CRTC3: variants seen among roughly 807,000 people sequenced by gnomAD.
CRTC3 encodes CREB-regulated transcription coactivator 3.
In CRTC3, 26 loss-of-function variants were observed where a neutral mutation model predicts 74.5. The ratio of observed to expected loss-of-function variants is 0.35; its 90% confidence interval spans 0.26 to 0.48. The LOEUF (loss-of-function observed/expected upper bound fraction) is 0.48. Ranked by LOEUF, CRTC3 falls within the 20% of genes least tolerant of loss-of-function variation. The probability of loss-of-function intolerance (pLI) is 0.99; values close to 1 mark genes in which losing one functional copy is unlikely to be tolerated. For synonymous variants in CRTC3, 377 were observed against 325.8 expected (o/e 1.16, Z -1.69); for missense variants, 760 against 787.3 (o/e 0.97, Z 0.41).
intron 2 of CRTC3, among the ~76,000 whole-genome samples, chr15:90,542,746 C>A (rs1334105390): frequency 6.6e-6 from 1 of 152,204 alleles, no homozygotes; most frequent in Non-Finnish European, 1.5e-5. Context: ...CAGTCTGGAA[C>A]AGCTTTTCAG....
In CRTC3 at chr15:90,642,188, A is replaced by C. The variant is rs1465661338; in HGVS notation, c.*48A>C. The C allele has an allele frequency of 3.3e-6, 5 of 1,511,576 alleles. No homozygotes were observed. The African/African-American group carries it at 5.5e-5, about 17-fold the overall frequency. 93.6% of individuals were successfully genotyped at this position (1,511,576 alleles called of 1,614,324 possible). A position where few individuals can be genotyped will look rare whatever the true frequency, so the allele number is the denominator to read the frequency against. ...AATGTTTTTCTGCAACAGCCAAAAT[A>C]GAATGGAATAGAATGAAGCCAGCTG... On this transcript the variant is annotated 3_prime_UTR_variant, in exon 15 of 15. Transcript: ENST00000268184.
At chr15:90,601,545 C>T (rs939456912) in intron 3 of CRTC3, among the ~76,000 whole-genome samples, 1 of 152,060 alleles carries the variant, frequency 6.6e-6, no homozygotes, top group South Asian at 2.1e-4. Flanking sequence ...CCCAGCTACT[C>T]GGGAGGCTGA....
chr15:90,535,704 A>C (rs561613516), intron 1 of CRTC3, among the ~76,000 whole-genome samples: 1 of 152,316 alleles, frequency 6.6e-6, no homozygotes, highest in African/African-American at 2.4e-5. Flanking sequence ...GCGAGCTCTC[A>C]GGATGGAGGA....
At chr15:90,537,613 T>C (rs181933340) in intron 1 of CRTC3, among the ~76,000 whole-genome samples, 2,911 of 152,302 alleles carry the variant, frequency 0.019, 101 homozygotes, top group African/African-American at 0.067. Context: ...CTCGATCTCC[T>C]GACCTCGTGA....
chr15:90,551,675 C>T (rs1489931224), intron 2 of CRTC3, among the ~76,000 whole-genome samples: 1 of 152,130 alleles, frequency 6.6e-6, no homozygotes, highest in Admixed American at 6.6e-5. Context: ...CCCTTCCCTG[C>T]TCGTCTTTAT....
chr15:90,628,340 A>C (rs902383875), intron 10 of CRTC3, among the ~76,000 whole-genome samples: 4 of 152,208 alleles, frequency 2.6e-5, no homozygotes, highest in African/African-American at 9.7e-5. Flanking sequence ...AACAACACAT[A>C]GTTCTGCTTA....
At chr15:90,556,415 G>A (rs138072233) in intron 2 of CRTC3, among the ~76,000 whole-genome samples, 2,229 of 152,226 alleles carry the variant, frequency 0.015, 46 homozygotes, top group African/African-American at 0.049. Context: ...GACACTGATG[G>A]ATTTGGATAT....
intron 2 of CRTC3, among the ~76,000 whole-genome samples, chr15:90,560,536 C>G (rs1279318117): frequency 1.3e-5 from 2 of 152,242 alleles, no homozygotes; most frequent in Non-Finnish European, 2.9e-5. Flanking sequence ...ATGAATACTT[C>G]AGATATCCCC....
At chr15:90,587,850 A>C (rs1967702147) in intron 2 of CRTC3, among the ~76,000 whole-genome samples, 1 of 151,734 alleles carries the variant, frequency 6.6e-6, no homozygotes, top group African/African-American at 2.4e-5. Flanking sequence ...GTGAGCTCAA[A>C]TGATCCACCC....
At chr15:90,582,617 A>G (rs893713585) in intron 2 of CRTC3, among the ~76,000 whole-genome samples, 1 of 152,230 alleles carries the variant, frequency 6.6e-6, no homozygotes, top group Non-Finnish European at 1.5e-5. Flanking sequence ...TGTACATATA[A>G]CACTGTATTG....
chr15:90,572,749 T>C (rs1056937350), intron 2 of CRTC3, among the ~76,000 whole-genome samples: 4 of 152,164 alleles, frequency 2.6e-5, no homozygotes, highest in African/African-American at 9.7e-5. Context: ...CTAATTTTTG[T>C]ATTTTTAGTA....
chr15:90,624,155 G>A (rs1968746524), intron 9 of CRTC3, among the ~76,000 whole-genome samples: 1 of 152,074 alleles, frequency 6.6e-6, no homozygotes, highest in African/African-American at 2.4e-5. Context: ...GCTGATGTGT[G>A]CAGGAGGGAA....
intron 11 of CRTC3, among the ~76,000 whole-genome samples, chr15:90,632,967 T>G (rs1287842039): frequency 6.6e-6 from 1 of 152,182 alleles, no homozygotes; most frequent in African/African-American, 2.4e-5. Flanking sequence ...TCTAATGACA[T>G]CCTACCAATG....
At chr15:90,577,173 C>T (rs898703991) in intron 2 of CRTC3, among the ~76,000 whole-genome samples, 1 of 152,210 alleles carries the variant, frequency 6.6e-6, no homozygotes, top group Admixed American at 6.5e-5. Flanking sequence ...CTTTCAATCT[C>T]CCCATTACCA....
rs1567192300 is a variant in CRTC3 at position 90,628,222 on chromosome 15, A to AAT, written c.968-1011_968-1010insTA. Among the ~76,000 whole-genome samples, 180 of 151,494 alleles carry AAT rather than the reference A, an allele frequency of 1.2e-3. 1 individual carries two copies. The highest frequency in any genetic ancestry group is 4.1e-3 in the African/African-American group (168 of 41,254). Reference sequence around the variant, plus strand: ...ACAGAGCGAGACTCTGTCTCAAAAAAAATAATAATAATAATAGTGATAATA... The same window carrying AAT: ...ACAGAGCGAGACTCTGTCTCAAAAAAATAATAATAATAATAATAGTGATAATA... On this transcript the variant is annotated intron_variant, in intron 10 of 14. Coordinates refer to ENST00000268184, the MANE Select transcript of CRTC3 (RefSeq NM_022769.5).
At chr15:90,580,708 G>C (rs533014931) in intron 2 of CRTC3, among the ~76,000 whole-genome samples, 1 of 152,018 alleles carries the variant, frequency 6.6e-6, no homozygotes, top group African/African-American at 2.4e-5. Flanking sequence ...GATTATAGGC[G>C]TGAGCCACTG....
chr15:90,605,810 A>G (rs1168994382), intron 5 of CRTC3, among the ~76,000 whole-genome samples: 1 of 152,234 alleles, frequency 6.6e-6, no homozygotes, highest in African/African-American at 2.4e-5. Context: ...AGTCCTTTCT[A>G]TGGCCGACAG....
chr15:90,624,598 T>A (rs975937009), intron 9 of CRTC3, among the ~76,000 whole-genome samples: 1 of 152,188 alleles, frequency 6.6e-6, no homozygotes, highest in African/African-American at 2.4e-5. Context: ...CATCCTGACA[T>A]GGACAACTCC....
rs375603675 is a variant in CRTC3, at chr15:90,550,391, CAA to C, written c.231+10255_231+10256del. On this transcript the variant is annotated intron_variant, in intron 2 of 14. Transcript: ENST00000268184. Reference sequence around the variant, plus strand: ...CACCATTGCACTCCAGCCTGGGCAACAAGAGTGAAACTCCGTCTCAAAAAAAA... The same window carrying C: ...CACCATTGCACTCCAGCCTGGGCAACGAGTGAAACTCCGTCTCAAAAAAAA... Among the ~76,000 whole-genome samples the C allele has an allele frequency of 5.1e-3, 748 of 147,104 alleles. 3 individuals carry two copies. The highest frequency in any genetic ancestry group is 0.018 in the African/African-American group (718 of 39,886).
Sources: gnomAD v4.1 joint callset for allele counts (sites outside exome capture counted in the v4.1 genomes callset) on GRCh38, gnomAD v4.1.1 for gene constraint, MANE v1.5 for transcripts, NCBI Gene and HGNC (gene_info 2026-07-23, HGNC 2026-07-21) for gene names.